SNTG1: variants seen among roughly 807,000 people sequenced by gnomAD.
SNTG1 encodes gamma-1-syntrophin.
SNTG1 carries 39 observed loss-of-function variants against 74.7 expected under a neutral mutation model. The observed-to-expected ratio is 0.52, with a 90% CI of 0.40 to 0.68. SNTG1 has a LOEUF of 0.68. Among genes scored for constraint, SNTG1 ranks in the 30% least tolerant of loss-of-function variants. The pLI is 0.00. For synonymous variants in SNTG1, 254 were observed against 217.1 expected, an observed-to-expected ratio of 1.17 and a Z score of -1.49; for missense variants, 685 against 609.5, an observed-to-expected ratio of 1.12 and a Z score of -1.30.
Position 50,536,723 on chromosome 8 carries a change from T to C in SNTG1, c.595T>C (p.Trp199Arg). The change falls in exon 11 of 19, where the codon TGG becomes CGG. Residue 199 changes from tryptophan (W) to arginine (R), a missense_variant. By Grantham distance (101) the Trp-to-Arg change is moderately radical. Coordinates refer to ENST00000642720, the MANE Select transcript of SNTG1 (RefSeq NM_018967.5). ...GTGGCCGACGTCTCCAGGCTTGAGG[T>C]GGGAGAAGCGATGGTGCGACCTCAG... is the stretch of plus-strand genomic sequence containing the variant. ...SSWPTSPGLR[W>R]EKRWCDLRLI... The C allele has an allele frequency of 6.2e-7, 1 of 1,613,978 alleles. No homozygotes were observed. The highest frequency in any genetic ancestry group is 8.5e-7 in the Non-Finnish European group (1 of 1,179,866).
chr8:50,255,998 T>C (rs1329280677), intron 2 of SNTG1, among the ~76,000 whole-genome samples: 1 of 152,182 alleles, frequency 6.6e-6, no homozygotes, highest in East Asian at 1.9e-4. Context: ...AGACCACCTC[T>C]TCCATTAGCC....
intron 2 of SNTG1, among the ~76,000 whole-genome samples, chr8:50,299,640 G>T (rs1181881907): frequency 1.3e-5 from 2 of 152,060 alleles, no homozygotes; most frequent in African/African-American, 4.8e-5. Flanking sequence ...TAACTAAATT[G>T]ATCCAAAATA....
chr8:50,431,668 G>A (rs2093237637), intron 4 of SNTG1, among the ~76,000 whole-genome samples: 1 of 152,162 alleles, frequency 6.6e-6, no homozygotes, highest in Admixed American at 6.5e-5. Context: ...AATTAACCAT[G>A]AACAGTATTC....
intron 8 of SNTG1, among the ~76,000 whole-genome samples, chr8:50,457,348 TC>T (rs913542368): frequency 1.4e-4 from 21 of 152,152 alleles, no homozygotes; most frequent in Non-Finnish European, 2.9e-5. Flanking sequence ...TCAGCGATGG[TC>T]ACAAATGCAC....
At chr8:50,049,399 G>A (rs1819374812) in intron 1 of SNTG1, among the ~76,000 whole-genome samples, 1 of 152,088 alleles carries the variant, frequency 6.6e-6, no homozygotes, top group Non-Finnish European at 1.5e-5. Context: ...ATATATAAAG[G>A]AGGTCATTAT....
At chr8:50,066,781 C>A (rs1320409035) in intron 1 of SNTG1, among the ~76,000 whole-genome samples, 1 of 152,186 alleles carries the variant, frequency 6.6e-6, no homozygotes, top group African/African-American at 2.4e-5. Flanking sequence ...TCTTCACAGA[C>A]AATTCCCTCT....
At chr8:50,720,583 G>T (rs566087296) in intron 17 of SNTG1, among the ~76,000 whole-genome samples, 1 of 152,300 alleles carries the variant, frequency 6.6e-6, no homozygotes, top group African/African-American at 2.4e-5. Context: ...TGAGGGCCTA[G>T]TTACAGACTC....
intron 1 of SNTG1, among the ~76,000 whole-genome samples, chr8:49,969,908 A>C (rs181848271): frequency 2.5e-4 from 29 of 116,884 alleles, no homozygotes; most frequent in Admixed American, 1.2e-3. Flanking sequence ...TTGATGGTGG[A>C]ATAAAAAACC....
chr8:49,953,521 G>A (rs923364383), intron 1 of SNTG1, among the ~76,000 whole-genome samples: 11 of 152,280 alleles, frequency 7.2e-5, no homozygotes, highest in African/African-American at 2.4e-4. Context: ...ATCTGAAGAT[G>A]CCCACAGAAG....
chr8:50,646,492 G>T (rs764452869), intron 13 of SNTG1, among the ~76,000 whole-genome samples: 30 of 152,256 alleles, frequency 2.0e-4, no homozygotes, highest in Non-Finnish European at 3.8e-4. Flanking sequence ...AGATAAATTT[G>T]TGGGTTTGTT....
chr8:50,449,979 C>A (rs371459052), intron 6 of SNTG1, among the ~76,000 whole-genome samples: 2 of 152,292 alleles, frequency 1.3e-5, no homozygotes, highest in South Asian at 2.1e-4. Flanking sequence ...AGGGACTACA[C>A]AGCTTTTCAG....
At chr8:50,270,048 A>G (rs1252834530) in intron 2 of SNTG1, among the ~76,000 whole-genome samples, 1 of 152,196 alleles carries the variant, frequency 6.6e-6, no homozygotes, top group Admixed American at 6.5e-5. Context: ...TTTTCCAAGT[A>G]TAAGTTAGTA....
chr8:50,497,721 C>T (rs1053117309), intron 8 of SNTG1, among the ~76,000 whole-genome samples: 5 of 151,780 alleles, frequency 3.3e-5, no homozygotes, highest in Non-Finnish European at 7.4e-5. Flanking sequence ...ACTCATTTAC[C>T]CTAAAAGTTT....
chr8:50,281,462 G>A (rs556555856), intron 2 of SNTG1, among the ~76,000 whole-genome samples: 25 of 152,280 alleles, frequency 1.6e-4, no homozygotes, highest in African/African-American at 5.1e-4. Context: ...CTGTTGTAGC[G>A]ATTTCTCTGA....
At chr8:50,744,301 C>G (rs2095550357) in intron 17 of SNTG1, among the ~76,000 whole-genome samples, 1 of 151,878 alleles carries the variant, frequency 6.6e-6, no homozygotes, top group Non-Finnish European at 1.5e-5. Context: ...AATGAATAAT[C>G]TGGAAAAGCA....
At chr8:50,171,161 G>A (rs2082792029) in intron 1 of SNTG1, among the ~76,000 whole-genome samples, 1 of 152,026 alleles carries the variant, frequency 6.6e-6, no homozygotes, top group South Asian at 2.1e-4. Flanking sequence ...AAGAATCTGG[G>A]GGCCATCTGT....
chr8:50,357,036 T>A (rs2091836541), intron 2 of SNTG1, among the ~76,000 whole-genome samples: 1 of 152,190 alleles, frequency 6.6e-6, no homozygotes, highest in Non-Finnish European at 1.5e-5. Flanking sequence ...CCTTTGGGCC[T>A]TAGCACATGA....
Position 50,532,570 on chromosome 8 carries a change from G to A in SNTG1, c.549+2311G>A, listed in dbSNP as rs181130015. 2.9e-3 allele frequency among the ~76,000 whole-genome samples: 435 copies of A among 152,320 alleles called. 2 individuals carry two copies. Among genetic ancestry groups the A allele is most frequent in the African/African-American group, 0.01 (418 of 41,572 alleles). On this transcript the variant is annotated intron_variant, in intron 10 of 18. Transcript: ENST00000642720. ...CAAGTGTGTGCTTTGTTGCTCGCAC[G>A]GGAGCATTAACCTGCAATGGTAATC...
chr8:50,092,374 T>C (rs1048768533), intron 1 of SNTG1, among the ~76,000 whole-genome samples: 1 of 152,152 alleles, frequency 6.6e-6, no homozygotes, highest in Non-Finnish European at 1.5e-5. Context: ...TCTCTTCCTT[T>C]AGGAAGGCCG....
Sources: gnomAD v4.1 joint callset for allele counts (sites outside exome capture counted in the v4.1 genomes callset) on GRCh38, gnomAD v4.1.1 for gene constraint, MANE v1.5 for transcripts, NCBI Gene and HGNC (gene_info 2026-07-23, HGNC 2026-07-21) for gene names.